The following DISP3 variants were observed in gnomAD, a reference collection of about 807,000 sequenced individuals.
The protein encoded by DISP3 is dispatched RND transporter family member 3, also known as protein dispatched homolog 3.
DISP3 carries 101 observed loss-of-function variants against 135.3 expected under a neutral mutation model. The ratio of observed to expected loss-of-function variants is 0.75; its 90% CI spans 0.64 to 0.88. The LOEUF (loss-of-function observed/expected upper bound fraction) is 0.88. Ranked by LOEUF, DISP3 falls within the 40% of genes least tolerant of loss-of-function variation. DISP3 has a pLI of 0.00. For synonymous variants in DISP3, 856 were observed against 817.0 expected (o/e 1.05, Z -0.81); for missense variants, 1,713 against 1,878.6 (o/e 0.91, Z 1.63).
At position 11,515,550 on chromosome 1, in the gene DISP3, T is replaced by G. The variant is rs543353504; in HGVS notation, c.1588+47T>G. 1.3e-5 allele frequency: 20 copies of G among 1,560,574 alleles called. No individual in the cohort carries two copies. The African/African-American group carries it at 1.8e-4, about 14-fold the overall frequency. ...GGCAGTGCGCCTCCCACATGGGAAGTCTGCCCCATCCCCTTTCTCCCTGGA... is the reference window on the plus strand; with the variant it reads ...GGCAGTGCGCCTCCCACATGGGAAGGCTGCCCCATCCCCTTTCTCCCTGGA... On this transcript the variant is annotated intron_variant, in intron 5 of 20. Transcript: ENST00000294484.
rs767700802 is a variant in DISP3 at position 11,535,106 on chromosome 1, G to A, written c.3631G>A (p.Val1211Met). 32 of 1,607,230 alleles carry A rather than the reference G, an allele frequency of 2.0e-5. No individual in the cohort carries two copies. The highest frequency in any genetic ancestry group is 1.7e-4 in the Middle Eastern group (1 of 6,028). ...FTTHILLLLP[V>M]LLSILGIVCL... ...CACCCACATCCTGCTCCTGCTGCCC[G>A]TGCTCCTCAGCATCTTGGGTACGTG... Residue 1211 changes from valine to methionine, a missense_variant, in exon 19 of 21, where the codon GTG becomes ATG. Physicochemically the swap from Val to Met is conservative, Grantham distance 21. Coordinates refer to ENST00000294484, the MANE Select transcript of DISP3 (RefSeq NM_020780.2).
At chr1:11,487,268 G>A (rs2100359888) in intron 1 of DISP3, among the ~76,000 whole-genome samples, 1 of 152,340 alleles carries the variant, frequency 6.6e-6, no homozygotes, top group South Asian at 2.1e-4. Context: ...AGGAGCCTGG[G>A]GAGGGGGAGA....
chr1:11,497,926 C>T (rs1303946768), intron 1 of DISP3, among the ~76,000 whole-genome samples: 1 of 152,102 alleles, frequency 6.6e-6, no homozygotes, highest in African/African-American at 2.4e-5. Context: ...TATCTGACTG[C>T]CCCCCCTCCC....
Position 11,530,902 on chromosome 1 carries a change from G to A in DISP3, c.3103-5G>A, listed in dbSNP as rs763496011. 27 of 1,613,598 alleles carry A rather than the reference G, an allele frequency of 1.7e-5. No homozygotes were observed. The highest frequency in any genetic ancestry group is 3.3e-5 in the Admixed American group (2 of 59,984). On this transcript the variant is annotated splice_polypyrimidine_tract_variant and splice_region_variant and intron_variant, in intron 15 of 20. Transcript: ENST00000294484. The stretch of plus-strand genomic sequence containing the variant: ...CCCGGGCCGGCTTGTTTCTCCTTGG[G>A]AAAGGGTAGTGTTGTCTACGACAGC...
intron 1 of DISP3, among the ~76,000 whole-genome samples, chr1:11,496,508 T>C (rs1641338262): frequency 6.6e-6 from 1 of 152,148 alleles, no homozygotes; most frequent in Non-Finnish European, 1.5e-5. Flanking sequence ...CTAGTCCTAC[T>C]CCGGGCTTTG....
At chr1:11,515,943 G>A in intron 5 of DISP3, 58 bp from the exon 6 acceptor site, 1 of 1,585,232 alleles carries the variant, frequency 6.3e-7, no homozygotes, top group Non-Finnish European at 8.6e-7. Flanking sequence ...GCCAGGTTGG[G>A]CCTAATCCTG....
At chr1:11,487,981 T>A (rs1279983721) in intron 1 of DISP3, among the ~76,000 whole-genome samples, 1 of 152,174 alleles carries the variant, frequency 6.6e-6, no homozygotes, top group African/African-American at 2.4e-5. Flanking sequence ...GGAGCCCCGT[T>A]ATCATGGAAT....
In DISP3 at chr1:11,524,081, G is replaced by A. The variant is rs749634098; in HGVS notation, c.2476+26G>A. On this transcript the variant is annotated intron_variant, in intron 11 of 20. Coordinates refer to ENST00000294484, the MANE Select transcript of DISP3 (RefSeq NM_020780.2). Reference sequence around the variant, plus strand: ...GTGAGCACTGGGGGTGGAGGGTGGGGAAATCCTCCCTGGTGCTAGGGTTGA... The same window carrying A: ...GTGAGCACTGGGGGTGGAGGGTGGGAAAATCCTCCCTGGTGCTAGGGTTGA... The A allele has an allele frequency of 2.6e-6, 4 of 1,524,276 alleles. No individual in the cohort carries two copies. In the South Asian group the frequency reaches 4.5e-5, roughly 17 times the overall value. The allele number at this position is 1,524,276 out of a possible 1,614,324, so 94.4% of individuals were successfully genotyped here.
At position 11,523,443 on chromosome 1, in the gene DISP3, G is replaced by T. The variant is rs548006939; in HGVS notation, c.2363-499G>T. Among the ~76,000 whole-genome samples the T allele has an allele frequency of 1.4e-3, 210 of 151,970 alleles. 1 individual carries two copies. The highest frequency in any genetic ancestry group is 5.0e-3 in the African/African-American group (207 of 41,402). On this transcript the variant is annotated intron_variant, in intron 10 of 20. Coordinates refer to ENST00000294484, the MANE Select transcript of DISP3 (RefSeq NM_020780.2). Reference sequence around the variant, plus strand: ...GAGGCGGCAGAGTGGCACAGAGAGGGTGAGCACGGGGGCAGAGTGGCACAG... The same window carrying T: ...GAGGCGGCAGAGTGGCACAGAGAGGTTGAGCACGGGGGCAGAGTGGCACAG...
At position 11,530,954 on chromosome 1, in the gene DISP3, GCACCTGTGT is replaced by G; in HGVS notation, c.3156_3164del (p.His1054_Cys1056del). 6.2e-7 allele frequency: 1 copy of G among 1,614,016 alleles called. No individual in the cohort carries two copies. On this transcript the variant is annotated inframe_deletion, in exon 16 of 21. Transcript: ENST00000294484. ...GCTTTGACCTCTTCAAGGAAATTGG[GCACCTGTGT>G]CACCTCTGCAAGGCCATCGCAGCCA...
At position 11,501,477 on chromosome 1, in the gene DISP3, G is replaced by A. The variant is rs1641515164; in HGVS notation, c.485G>A (p.Gly162Asp). Residue 162 changes from glycine to aspartate, a missense_variant, in exon 2 of 21, where the codon GGC becomes GAC. By Grantham distance (94) the Gly-to-Asp change is moderately conservative (BLOSUM62 -1). Transcript: ENST00000294484. The surrounding 1 kb of genome is among the most constrained non-coding windows in gnomAD (Gnocchi z 4.9). ...GAGCAGCTGCAGCAGCTGCATCTCGGCAACCGCTCGCGGCAAGCCTCCCGA... is the reference window on the plus strand; with the variant it reads ...GAGCAGCTGCAGCAGCTGCATCTCGACAACCGCTCGCGGCAAGCCTCCCGA... ...ISEQLQQLHLGNRSRQASRAP... is the reference protein window; with the variant it reads ...ISEQLQQLHLDNRSRQASRAP... 3.1e-6 allele frequency: 5 copies of A among 1,605,048 alleles called. No homozygotes were observed. The highest frequency in any genetic ancestry group is 3.4e-6 in the Non-Finnish European group (4 of 1,175,900).
intron 13 of DISP3, 98 bp downstream of exon 13, chr1:11,526,933 A>T: frequency 7.4e-7 from 1 of 1,351,534 alleles, no homozygotes; most frequent in Non-Finnish European, 9.8e-7. Flanking sequence ...GGATGCCAGC[A>T]GGCCCCCTCA....
chr1:11,530,103 G>A, intron 15 of DISP3, 144 bp downstream of exon 15: 1 of 1,097,850 alleles, frequency 9.1e-7, no homozygotes, highest in Non-Finnish European at 1.3e-6. Flanking sequence ...GAACCCCTAT[G>A]GGCCCCTGGG....
chr1:11,522,904 G>A lies in DISP3; in HGVS notation c.2363-1038G>A, dbSNP rs1300317492. ...AGAGCCCAGCCAGGACCCAGCCAGA[G>A]CCCAGCCAGGACCCAGCAAGGACCC... On this transcript the variant is annotated intron_variant, in intron 10 of 20. Coordinates refer to ENST00000294484, the MANE Select transcript of DISP3 (RefSeq NM_020780.2). Among the ~76,000 whole-genome samples, 125 of 23,938 alleles carry A rather than the reference G, an allele frequency of 5.2e-3. 4 individuals carry two copies. Among genetic ancestry groups the A allele is most frequent in the African/African-American group, 7.1e-3 (39 of 5,522 alleles). 15.7% of individuals were successfully genotyped at this position (23,938 alleles called of 152,430 possible).
At chr1:11,497,489 G>C (rs1036578740) in intron 1 of DISP3, among the ~76,000 whole-genome samples, 5 of 152,038 alleles carry the variant, frequency 3.3e-5, no homozygotes, top group African/African-American at 1.2e-4. Flanking sequence ...CCCAGGTTCA[G>C]GCCATTCTCT....
chr1:11,484,382 G>C (rs751197131), intron 1 of DISP3, among the ~76,000 whole-genome samples: 2 of 152,210 alleles, frequency 1.3e-5, no homozygotes, highest in Non-Finnish European at 2.9e-5. Context: ...GGGGGCGGAG[G>C]AGCTGATGGG....
chr1:11,524,173 C>T (rs61773867), intron 11 of DISP3, 118 bp downstream of exon 11: 2 of 786,654 alleles, frequency 2.5e-6, no homozygotes, highest in Non-Finnish European at 2.1e-6. Context: ...TTGTGTGTTC[C>T]TGGTCACTGC....
chr1:11,508,042 T>C (rs1025580306), intron 3 of DISP3, among the ~76,000 whole-genome samples: 11 of 152,330 alleles, frequency 7.2e-5, no homozygotes, highest in Admixed American at 2.0e-4. Flanking sequence ...TGAGGCATAG[T>C]TGACATACAA....
chr1:11,482,717 C>G (rs939320801), intron 1 of DISP3, among the ~76,000 whole-genome samples: 5 of 152,140 alleles, frequency 3.3e-5, no homozygotes, highest in Non-Finnish European at 7.4e-5. Flanking sequence ...ATACTCCTCC[C>G]CACACCCAAA....
Sources: allele counts gnomAD v4.1 joint callset (sites outside exome capture counted in the v4.1 genomes callset), GRCh38; gene constraint gnomAD v4.1.1; non-coding constraint Gnocchi (gnomAD v3.1); transcripts MANE v1.5; gene names NCBI Gene and HGNC (gene_info 2026-07-23, HGNC 2026-07-21).